GNL2: variants seen among roughly 807,000 people sequenced by gnomAD.
The protein encoded by GNL2 is G protein nucleolar 2.
GNL2 carries 51 observed loss-of-function variants against 92.3 expected under a neutral mutation model. That is an observed-to-expected ratio of 0.55 (90% CI 0.44 to 0.70). GNL2 has a LOEUF of 0.70. GNL2 is among the 30% of genes least tolerant of loss of function. GNL2 has a pLI of 0.00. For missense variants in GNL2, 844 were observed against 895.6 expected, an observed-to-expected ratio of 0.94 and a Z score of 0.74; for synonymous variants, 283 against 300.6, an observed-to-expected ratio of 0.94 and a Z score of 0.61.
At chr1:37,579,549 CAA>C (rs879543274) in intron 8 of GNL2, among the ~76,000 whole-genome samples, 3 of 117,396 alleles carry the variant, frequency 2.6e-5, no homozygotes, top group Non-Finnish European at 5.4e-5. Flanking sequence ...CTCTGTCTCA[CAA>C]AAAAAAAAAA....
At chr1:37,567,972 A>G (rs1257100569) in intron 14 of GNL2, 23 of 595,440 alleles carry the variant, frequency 3.9e-5, no homozygotes. Context: ...TGATGGTCAA[A>G]TGGAGGAATG....
chr1:37,576,063 T>C (rs1643672670), intron 9 of GNL2: 2 of 316,270 alleles, frequency 6.3e-6, no homozygotes, highest in Non-Finnish European at 1.2e-5. Flanking sequence ...CTATGTGTTC[T>C]AGGATATGAC....
At chr1:37,584,014 A>G in intron 5 of GNL2, 81 bp from the exon 6 acceptor site, 2 of 811,686 alleles carry the variant, frequency 2.5e-6, no homozygotes, top group Non-Finnish European at 4.3e-6. Flanking sequence ...TCAATGTACC[A>G]AAAAAAACAG....
Position 37,567,670 on chromosome 1 carries a change from T to C in GNL2, c.2043+3A>G, listed in dbSNP as rs757076790. 6.3e-6 allele frequency: 10 copies of C among 1,594,662 alleles called. No individual in the cohort carries two copies. The South Asian group carries it at 8.8e-5, about 14-fold the overall frequency. On this transcript the variant is annotated splice_donor_region_variant and intron_variant, in intron 15 of 15. Coordinates refer to ENST00000373062, the MANE Select transcript of GNL2 (RefSeq NM_013285.3). ...GGCCATACTTAAAACCTATGACACTTACTTCTTTTGATGTAAGCGCCCTGG... is the reference window on the plus strand; with the variant it reads ...GGCCATACTTAAAACCTATGACACTCACTTCTTTTGATGTAAGCGCCCTGG...
intron 8 of GNL2, among the ~76,000 whole-genome samples, chr1:37,577,675 TCA>T (rs1256403668): frequency 3.9e-5 from 6 of 152,136 alleles, no homozygotes; most frequent in East Asian, 3.9e-4. Context: ...TGACAATGAA[TCA>T]CAGAGATTCA....
intron 12 of GNL2, chr1:37,569,834 C>T (rs1339292106): frequency 6.5e-6 from 1 of 152,978 alleles, no homozygotes; most frequent in Non-Finnish European, 1.5e-5. Context: ...GTGGGAAGGA[C>T]CGGGTGGGAG....
intron 3 of GNL2, among the ~76,000 whole-genome samples, chr1:37,591,547 C>T (rs1321249512): frequency 6.7e-6 from 1 of 149,948 alleles, no homozygotes; most frequent in East Asian, 1.9e-4. Flanking sequence ...ACTCTGTCAC[C>T]CAGGCTGGAG....
chr1:37,593,663 G>T, intron 2 of GNL2, 99 bp downstream of exon 2: 1 of 751,152 alleles, frequency 1.3e-6, no homozygotes, highest in Non-Finnish European at 2.3e-6. Context: ...ACTCCTATTT[G>T]GAGGAAGTGG....
At chr1:37,584,656 G>A (rs963577835) in intron 5 of GNL2, among the ~76,000 whole-genome samples, 1 of 152,076 alleles carries the variant, frequency 6.6e-6, no homozygotes, top group Admixed American at 6.6e-5. Flanking sequence ...TGGGGGAGAG[G>A]GGAAACGGAC....
chr1:37,585,059 CT>C (rs556690435), intron 5 of GNL2, among the ~76,000 whole-genome samples: 29,323 of 125,648 alleles, frequency 0.23, 3,521 homozygotes, highest in East Asian at 0.31. Flanking sequence ...TAGAAGAGTA[CT>C]TTTTTTTTTT....
intron 1 of GNL2, among the ~76,000 whole-genome samples, chr1:37,594,805 T>C (rs1050633145): frequency 6.6e-6 from 1 of 152,236 alleles, no homozygotes; most frequent in Non-Finnish European, 1.5e-5. Context: ...CCTCCCAAAG[T>C]GCTGGGATTA....
At chr1:37,577,898 C>T (rs531149992) in intron 8 of GNL2, among the ~76,000 whole-genome samples, 8 of 152,310 alleles carry the variant, frequency 5.3e-5, no homozygotes, top group African/African-American at 1.7e-4. Flanking sequence ...TATCTGTAAT[C>T]TTCAGACTTG....
chr1:37,574,477 T>A, intron 11 of GNL2, 21 bp from the exon 12 acceptor site: 1 of 1,594,558 alleles, frequency 6.3e-7, no homozygotes. Context: ...ACAAAGAGAT[T>A]CCCAATTAAA....
chr1:37,568,908 A>C lies in GNL2; in HGVS notation c.1811T>G (p.Ile604Ser), dbSNP rs772825895. 6.2e-7 allele frequency: 1 copy of C among 1,614,146 alleles called. No homozygotes were observed. The highest frequency in any genetic ancestry group is 8.5e-7 in the Non-Finnish European group (1 of 1,180,020). The change falls in exon 13 of 16, where the codon ATT becomes AGT. Residue 604 changes from isoleucine (I) to serine (S), a missense_variant. Ile to Ser is a moderately radical substitution (Grantham distance 142, BLOSUM62 -2). Coordinates refer to ENST00000373062, the MANE Select transcript of GNL2 (RefSeq NM_013285.3). The stretch of plus-strand genomic sequence containing the variant: ...GTCTAGAAACTTCTGATATTTGGCA[A>C]TCTTCTCATCCAGTGCTTTAATAAC... The part of the protein sequence containing the change: ...KAVIKALDEK[I>S]AKYQKFLDKA...
chr1:37,581,577 G>A (rs759586750), intron 8 of GNL2: 16 of 455,072 alleles, frequency 3.5e-5, no homozygotes, highest in South Asian at 1.1e-4. Flanking sequence ...CACTGGTCAC[G>A]GATGGGGGCA....
chr1:37,589,190 G>C (rs1570071521), intron 4 of GNL2, among the ~76,000 whole-genome samples: 1 of 152,234 alleles, frequency 6.6e-6, no homozygotes, highest in Admixed American at 6.5e-5. Context: ...CTACTAATAG[G>C]TGCCATTCTT....
intron 1 of GNL2, 35 bp downstream of exon 1, chr1:37,595,724 C>T (rs1399934647): frequency 6.3e-7 from 1 of 1,597,400 alleles, no homozygotes; most frequent in Non-Finnish European, 8.6e-7. Flanking sequence ...ATACTTCCTC[C>T]AAGCTCCACC....
At chr1:37,567,348 C>T (rs772706721) in intron 15 of GNL2, among the ~76,000 whole-genome samples, 6 of 152,262 alleles carry the variant, frequency 3.9e-5, no homozygotes, top group Non-Finnish European at 8.8e-5. Flanking sequence ...AACAGCTCAG[C>T]TCCAAAGCTG....
intron 13 of GNL2, 48 bp downstream of exon 13, chr1:37,568,803 T>C (rs1230743354): frequency 7.0e-7 from 1 of 1,433,194 alleles, no homozygotes; most frequent in Admixed American, 1.8e-5. Flanking sequence ...GGCAAATTTT[T>C]GGGAAAGGAA....
Sources: gnomAD v4.1 joint callset for allele counts (sites outside exome capture counted in the v4.1 genomes callset) on GRCh38, gnomAD v4.1.1 for gene constraint, MANE v1.5 for transcripts, NCBI Gene and HGNC (gene_info 2026-07-23, HGNC 2026-07-21) for gene names.